SGCZ: variants seen among roughly 807,000 people sequenced by gnomAD.
SGCZ encodes the protein zeta-sarcoglycan.
A neutral mutation model predicts 41.3 loss-of-function variants in SGCZ; 40 were observed. The ratio of observed to expected loss-of-function variants is 0.97; its 90% CI spans 0.75 to 1.26. The LOEUF (loss-of-function observed/expected upper bound fraction) is 1.26, where lower values mean the gene tolerates loss of function less well. Ranked by LOEUF, SGCZ falls within the 50% of genes most tolerant of loss-of-function variation. SGCZ has a pLI of 0.00. For missense variants in SGCZ, 552 were observed against 369.8 expected (o/e 1.49, Z -4.04); for synonymous variants, 206 against 137.5 (o/e 1.50, Z -3.49).
intron 1 of SGCZ, among the ~76,000 whole-genome samples, chr8:14,931,927 G>A: frequency 6.6e-6 from 1 of 151,924 alleles, no homozygotes; most frequent in East Asian, 1.9e-4. Context: ...CCAATAAGAT[G>A]TTTTCTTAGT....
At chr8:14,564,304 C>T (rs1197674842) in intron 1 of SGCZ, among the ~76,000 whole-genome samples, 2 of 102,886 alleles carry the variant, frequency 1.9e-5, no homozygotes, top group Non-Finnish European at 4.2e-5. Flanking sequence ...TGTCACTGTT[C>T]ATTAGGTGTT....
At chr8:14,295,057 A>G (rs181836348) in intron 3 of SGCZ, among the ~76,000 whole-genome samples, 3 of 152,286 alleles carry the variant, frequency 2.0e-5, no homozygotes, top group East Asian at 1.9e-4. Context: ...TATGTGACCC[A>G]GCATTCTGTA....
chr8:14,323,681 T>G (rs1201697583), intron 3 of SGCZ, among the ~76,000 whole-genome samples: 1 of 152,148 alleles, frequency 6.6e-6, no homozygotes, highest in Non-Finnish European at 1.5e-5. Flanking sequence ...TTAAAATTCT[T>G]TGTCATTTCT....
chr8:14,727,515 CTT>C (rs111909005), intron 1 of SGCZ, among the ~76,000 whole-genome samples: 4 of 143,974 alleles, frequency 2.8e-5, no homozygotes, highest in Non-Finnish European at 3.1e-5. Context: ...TACAATAATG[CTT>C]TTTTTTTTTT....
intron 1 of SGCZ, among the ~76,000 whole-genome samples, chr8:14,894,857 G>T (rs1300441902): frequency 1.3e-5 from 2 of 152,108 alleles, no homozygotes; most frequent in Non-Finnish European, 2.9e-5. Flanking sequence ...TCTCCTCAGA[G>T]TTTCTGCAGG....
intron 1 of SGCZ, among the ~76,000 whole-genome samples, chr8:14,752,040 G>C (rs1371834531): frequency 2.8e-5 from 4 of 144,728 alleles, no homozygotes; most frequent in Non-Finnish European, 4.5e-5. Context: ...AAAGTGAAGA[G>C]AGAATTCAAC....
chr8:14,217,424 T>C (rs1806038292), intron 4 of SGCZ, among the ~76,000 whole-genome samples: 1 of 151,948 alleles, frequency 6.6e-6, no homozygotes, highest in Admixed American at 6.6e-5. Flanking sequence ...GCATAGATAT[T>C]GTATGGTATA....
intron 4 of SGCZ, among the ~76,000 whole-genome samples, chr8:14,228,252 C>T (rs1248420113): frequency 6.6e-6 from 1 of 151,998 alleles, no homozygotes; most frequent in Non-Finnish European, 1.5e-5. Flanking sequence ...CGACGTCCCA[C>T]AAAGGAAGCC....
chr8:15,097,679 T>G, intron 1 of SGCZ, among the ~76,000 whole-genome samples: 1 of 150,642 alleles, frequency 6.6e-6, no homozygotes, highest in East Asian at 2.0e-4. Flanking sequence ...CCCAGGAGTT[T>G]GATTACACCA....
chr8:14,213,093 T>C (rs1344652954), intron 4 of SGCZ, among the ~76,000 whole-genome samples: 1 of 152,076 alleles, frequency 6.6e-6, no homozygotes, highest in Non-Finnish European at 1.5e-5. Context: ...ATAATATTTG[T>C]GTAATCAAAA....
intron 1 of SGCZ, among the ~76,000 whole-genome samples, chr8:15,123,831 T>A (rs1421962252): frequency 6.6e-6 from 1 of 152,042 alleles, no homozygotes; most frequent in Non-Finnish European, 1.5e-5. Context: ...AGACTGAGGG[T>A]CAGACAAGGC....
intron 3 of SGCZ, among the ~76,000 whole-genome samples, chr8:14,246,354 C>G (rs776251782): frequency 6.6e-6 from 1 of 151,852 alleles, no homozygotes; most frequent in African/African-American, 2.4e-5. Context: ...GGACAAAAAA[C>G]CAATCACTGC....
chr8:14,277,166 C>T (rs1343370858), intron 3 of SGCZ, among the ~76,000 whole-genome samples: 1 of 152,108 alleles, frequency 6.6e-6, no homozygotes, highest in Non-Finnish European at 1.5e-5. Flanking sequence ...TCTAAATTTC[C>T]CAGAATGACA....
At chr8:14,375,334 TA>T (rs1395407572) in intron 2 of SGCZ, among the ~76,000 whole-genome samples, 1 of 152,158 alleles carries the variant, frequency 6.6e-6, no homozygotes, top group East Asian at 1.9e-4. Flanking sequence ...GGAGATATTT[TA>T]ACACACCACT....
At chr8:15,082,486 G>T (rs1335007529) in intron 1 of SGCZ, among the ~76,000 whole-genome samples, 1 of 151,888 alleles carries the variant, frequency 6.6e-6, no homozygotes, top group African/African-American at 2.4e-5. Context: ...AGAAATGGGG[G>T]AGGGTGGTGG....
intron 1 of SGCZ, among the ~76,000 whole-genome samples, chr8:15,132,611 CTT>C (rs1411934363): frequency 1.3e-5 from 2 of 152,140 alleles, no homozygotes; most frequent in African/African-American, 4.8e-5. Context: ...ACCAGAAAGA[CTT>C]TGTAACAGTG....
intron 4 of SGCZ, among the ~76,000 whole-genome samples, chr8:14,172,224 G>A (rs1378730050): frequency 6.6e-6 from 1 of 152,114 alleles, no homozygotes; most frequent in East Asian, 1.9e-4. Context: ...TTTCCAGCAT[G>A]GGTCAGCAAA....
intron 1 of SGCZ, among the ~76,000 whole-genome samples, chr8:15,189,184 A>G (rs1270629142): frequency 6.6e-6 from 1 of 152,200 alleles, no homozygotes; most frequent in African/African-American, 2.4e-5. Context: ...ATTTTATATG[A>G]TGGATGTTCC....
At chr8:14,201,545 G>A (rs1805455694) in intron 4 of SGCZ, among the ~76,000 whole-genome samples, 2 of 152,166 alleles carry the variant, frequency 1.3e-5, no homozygotes, top group Admixed American at 6.6e-5. Context: ...CATATTGTGT[G>A]ATTGTATTTA....
Sources: allele counts gnomAD v4.1 joint callset (sites outside exome capture counted in the v4.1 genomes callset), GRCh38; gene constraint gnomAD v4.1.1; transcripts MANE v1.5; gene names NCBI Gene and HGNC (gene_info 2026-07-23, HGNC 2026-07-21).